The following IL15 variants were observed in gnomAD, a reference collection of about 807,000 sequenced individuals.
The protein encoded by IL15 is interleukin-15.
In IL15, 11 loss-of-function variants were observed where a neutral mutation model predicts 19.6. That is an observed-to-expected ratio of 0.56 (90% CI 0.35 to 0.93). The LOEUF is 0.93. Ranked by LOEUF, IL15 falls within the 40% of genes least tolerant of loss-of-function variation. The probability of loss-of-function intolerance (pLI) is 0.01; values close to 1 mark genes in which losing one functional copy is unlikely to be tolerated. For synonymous variants in IL15, 58 were observed against 59.6 expected, an observed-to-expected ratio of 0.97 and a Z score of 0.12; for missense variants, 197 against 186.5, an observed-to-expected ratio of 1.06 and a Z score of -0.33.
At chr4:141,661,983 A>T (rs986231348) in intron 2 of IL15, among the ~76,000 whole-genome samples, 5 of 152,088 alleles carry the variant, frequency 3.3e-5, no homozygotes, top group Admixed American at 2.6e-4. Flanking sequence ...TTAAAAATGT[A>T]TTGCTTAATT....
chr4:141,691,130 A>G (rs1348968415), intron 2 of IL15, among the ~76,000 whole-genome samples: 1 of 152,272 alleles, frequency 6.6e-6, no homozygotes, highest in Non-Finnish European at 1.5e-5. Flanking sequence ...CCTTCTTCAC[A>G]AAGTGGCAGG....
chr4:141,730,336 T>C (rs1276250587), intron 7 of IL15, among the ~76,000 whole-genome samples: 1 of 152,238 alleles, frequency 6.6e-6, no homozygotes, highest in East Asian at 1.9e-4. Flanking sequence ...TCAATAATAG[T>C]AACTCACATT....
At chr4:141,695,432 G>A (rs1729060847) in intron 2 of IL15, among the ~76,000 whole-genome samples, 1 of 151,608 alleles carries the variant, frequency 6.6e-6, no homozygotes, top group Non-Finnish European at 1.5e-5. Flanking sequence ...TGACTAAATA[G>A]CATTCCATTG....
chr4:141,692,574 A>C (rs1385728607), intron 2 of IL15, among the ~76,000 whole-genome samples: 1 of 152,152 alleles, frequency 6.6e-6, no homozygotes, highest in African/African-American at 2.4e-5. Flanking sequence ...GCTGTTTAGA[A>C]ATTTCTTCTG....
At chr4:141,712,109 C>T (rs529563495) in intron 2 of IL15, among the ~76,000 whole-genome samples, 1 of 152,034 alleles carries the variant, frequency 6.6e-6, no homozygotes, top group Non-Finnish European at 1.5e-5. Context: ...TTGATTGTTT[C>T]ATTCTGTCTG....
chr4:141,707,126 G>A (rs1729542227), intron 2 of IL15, among the ~76,000 whole-genome samples: 2 of 151,886 alleles, frequency 1.3e-5, no homozygotes, highest in South Asian at 4.1e-4. Flanking sequence ...TTTTTCCTCT[G>A]ACTGGGTTAT....
At chr4:141,696,817 G>A (rs1436249172) in intron 2 of IL15, among the ~76,000 whole-genome samples, 1 of 151,778 alleles carries the variant, frequency 6.6e-6, no homozygotes, top group Non-Finnish European at 1.5e-5. Flanking sequence ...CTTCTTTTGG[G>A]AATTATTTAT....
intron 1 of IL15, among the ~76,000 whole-genome samples, chr4:141,650,397 A>C (rs367836421): frequency 1.2e-4 from 19 of 152,196 alleles, no homozygotes; most frequent in East Asian, 3.9e-4. Context: ...TAGTCAATAC[A>C]TATGGAGGTG....
chr4:141,686,297 A>AAAAAT (rs1553989416), intron 2 of IL15, among the ~76,000 whole-genome samples: 17 of 141,156 alleles, frequency 1.2e-4, no homozygotes, highest in Non-Finnish European at 2.0e-4. Flanking sequence ...GTTCATCTCA[A>AAAAAT]AAATAAATAA....
chr4:141,714,070 C>T (rs937421488), intron 2 of IL15, among the ~76,000 whole-genome samples: 1 of 151,994 alleles, frequency 6.6e-6, no homozygotes, highest in Non-Finnish European at 1.5e-5. Flanking sequence ...TTTTGTGTGT[C>T]CTCTTCCCTC....
intron 2 of IL15, among the ~76,000 whole-genome samples, chr4:141,710,064 C>T (rs1326300550): frequency 3.3e-5 from 5 of 152,166 alleles, no homozygotes; most frequent in African/African-American, 4.8e-5. Flanking sequence ...TGCATCCAAG[C>T]TGCTGCAAAG....
intron 1 of IL15, among the ~76,000 whole-genome samples, chr4:141,643,515 C>A (rs529982191): frequency 6.6e-6 from 1 of 152,122 alleles, no homozygotes; most frequent in Non-Finnish European, 1.5e-5. Flanking sequence ...TTATTGGGTC[C>A]CTTCCTATGT....
intron 2 of IL15, chr4:141,715,120 A>G (rs1279491512): frequency 6.6e-6 from 1 of 152,086 alleles, no homozygotes; most frequent in Non-Finnish European, 1.5e-5. Context: ...AGTCATTCTC[A>G]TTCTCTTTTT....
At chr4:141,644,060 C>A (rs535972856) in intron 1 of IL15, among the ~76,000 whole-genome samples, 1 of 152,024 alleles carries the variant, frequency 6.6e-6, no homozygotes, top group African/African-American at 2.4e-5. Flanking sequence ...GAATCTGCCA[C>A]CAAATTATTT....
At chr4:141,693,171 C>T (rs577624502) in intron 2 of IL15, among the ~76,000 whole-genome samples, 5 of 152,110 alleles carry the variant, frequency 3.3e-5, no homozygotes, top group African/African-American at 7.2e-5. Context: ...GCACCCTCTT[C>T]GCAAGGTGGC....
chr4:141,733,082 T>C lies in IL15; in HGVS notation c.*234T>C, dbSNP rs888711809. The C allele has an allele frequency of 2.5e-6, 1 of 396,862 alleles. No homozygotes were observed. The highest frequency in any genetic ancestry group is 2.1e-5 in the African/African-American group (1 of 47,540). 24.6% of individuals were successfully genotyped at this position (396,862 alleles called of 1,614,324 possible). ...TTACTTTACTCATTTTTTTAATTTA[T>C]TATTGAAATTGTACATATTTGTGGA... On this transcript the variant is annotated 3_prime_UTR_variant, in exon 8 of 8. Coordinates refer to ENST00000320650, the MANE Select transcript of IL15 (RefSeq NM_000585.5).
At chr4:141,715,691 A>G (rs1471074182) in intron 2 of IL15, 1 of 152,144 alleles carries the variant, frequency 6.6e-6, no homozygotes, top group Non-Finnish European at 1.5e-5. Context: ...TCTATATTCT[A>G]TTCAGTCTCG....
intron 5 of IL15, among the ~76,000 whole-genome samples, chr4:141,726,652 C>T (rs1311964551): frequency 6.6e-6 from 1 of 152,032 alleles, no homozygotes; most frequent in African/African-American, 2.4e-5. Context: ...CATGAATGTT[C>T]ACAGAGATTT....
intron 2 of IL15, among the ~76,000 whole-genome samples, chr4:141,703,668 G>C (rs537523968): frequency 1.3e-5 from 2 of 149,004 alleles, no homozygotes; most frequent in Non-Finnish European, 3.0e-5. Context: ...TCTTTCAAAA[G>C]GTCTGTGGAT....
Sources: gnomAD v4.1 joint callset for allele counts (sites outside exome capture counted in the v4.1 genomes callset) on GRCh38, gnomAD v4.1.1 for gene constraint, MANE v1.5 for transcripts, NCBI Gene and HGNC (gene_info 2026-07-23, HGNC 2026-07-21) for gene names.